ATAT1: variants seen among roughly 807,000 people sequenced by gnomAD.
ATAT1 encodes alpha-tubulin N-acetyltransferase 1.
Under a neutral mutation model 57.2 loss-of-function variants are expected in ATAT1, and 42 were observed. The observed-to-expected ratio is 0.73, with a 90% confidence interval of 0.57 to 0.95. The LOEUF is 0.95. ATAT1 is among the 40% of genes least tolerant of loss of function. The pLI is 0.00. For synonymous variants in ATAT1, 168 were observed against 187.1 expected, an observed-to-expected ratio of 0.90 and a Z score of 0.83; for missense variants, 454 against 523.7, an observed-to-expected ratio of 0.87 and a Z score of 1.30.
At position 30,643,550 on chromosome 6, in the gene ATAT1, G is replaced by A. The variant is rs972716095; in HGVS notation, c.932+539G>A. 5 of 1,550,438 alleles carry A rather than the reference G, an allele frequency of 3.2e-6. No individual in the cohort carries two copies. The African/African-American group carries it at 6.9e-5, about 21-fold the overall frequency. ...ACAGCTCCCTTCCCCGCTCTGAGGA[G>A]AGTCGATACTAACAGCTACCCTCTC... On this transcript the variant is annotated intron_variant, in intron 10 of 12. Transcript: ENST00000330083.
Position 30,646,544 on chromosome 6 carries a change from C to A in ATAT1, c.1131C>A (p.Ala377=). The A allele has an allele frequency of 6.3e-7, 1 of 1,586,750 alleles. No individual in the cohort carries two copies. Among genetic ancestry groups the A allele is most frequent in the East Asian group, 2.3e-5 (1 of 43,506 alleles). Residue 377 remains alanine, a synonymous_variant, in exon 13 of 13, where the codon GCC becomes GCA. Coordinates refer to ENST00000330083, the MANE Select transcript of ATAT1 (RefSeq NM_001031722.4). ...CCATGCACACAGCTCCTCCACAGGC[C>A]CCGGCCCCGCCAGCCCAGTCCTGGA...
chr6:30,642,075 G>A, intron 8 of ATAT1, 101 bp from the exon 9 acceptor site: 1 of 1,587,938 alleles, frequency 6.3e-7, no homozygotes, highest in South Asian at 1.1e-5. Flanking sequence ...GAACTGTGGT[G>A]TCAGGGAGCA....
intron 6 of ATAT1, among the ~76,000 whole-genome samples, chr6:30,636,424 A>T (rs1215618189): frequency 1.3e-5 from 2 of 151,884 alleles, no homozygotes. Context: ...CTCTACTAAA[A>T]ATACAAAAAA....
intron 10 of ATAT1, among the ~76,000 whole-genome samples, chr6:30,645,297 C>G (rs1466996835): frequency 1.3e-5 from 2 of 151,598 alleles, no homozygotes; most frequent in Non-Finnish European, 2.9e-5. Flanking sequence ...CTCACTGCAA[C>G]CTCCGCCTCC....
chr6:30,637,212 T>G (rs1299054234), intron 6 of ATAT1, among the ~76,000 whole-genome samples: 1 of 152,218 alleles, frequency 6.6e-6, no homozygotes, highest in African/African-American at 2.4e-5. Flanking sequence ...GGTATCTATA[T>G]GCATCATCTC....
At chr6:30,644,698 G>A in intron 10 of ATAT1, 1 of 911,292 alleles carries the variant, frequency 1.1e-6, no homozygotes, top group South Asian at 5.1e-5. Context: ...CCTCATTTGT[G>A]CGTCATCCCT....
At chr6:30,629,579 C>G (rs970578410) in intron 6 of ATAT1, among the ~76,000 whole-genome samples, 4 of 151,648 alleles carry the variant, frequency 2.6e-5, no homozygotes, top group African/African-American at 7.3e-5. Context: ...CAGAGTCGCT[C>G]TGTCACCCAG....
intron 6 of ATAT1, among the ~76,000 whole-genome samples, chr6:30,631,179 G>A (rs748962318): frequency 3.3e-5 from 5 of 151,674 alleles, no homozygotes; most frequent in Non-Finnish European, 5.9e-5. Flanking sequence ...AGCAATAACT[G>A]AAAGGAAGTA....
chr6:30,627,226 G>T lies in ATAT1; in HGVS notation c.23G>T (p.Cys8Phe), dbSNP rs765648150. 1.9e-6 allele frequency: 3 copies of T among 1,613,814 alleles called. No individual in the cohort carries two copies. The highest frequency in any genetic ancestry group is 2.7e-5 in the African/African-American group (2 of 74,900). Residue 8 changes from cysteine to phenylalanine, a missense_variant, in exon 1 of 13, where the codon TGC (cysteine) becomes TTC (phenylalanine). Cys to Phe is a radical substitution (Grantham distance 205, BLOSUM62 -2). This residue lies in a region of ATAT1 where 236 missense variants were observed against 284.5 expected (regional missense o/e 0.83). Coordinates refer to ENST00000330083, the MANE Select transcript of ATAT1 (RefSeq NM_001031722.4). ...AGGATGTGGTTGACCTGGCCTTTCT[G>T]CTTCCTCACAATAACCTTAAGGGAG... is the stretch of plus-strand genomic sequence containing the variant.
chr6:30,640,649 A>G, intron 8 of ATAT1, 46 bp downstream of exon 8: 2 of 1,597,888 alleles, frequency 1.3e-6, no homozygotes, highest in African/African-American at 1.3e-5. Flanking sequence ...AGTGATGGCT[A>G]CTTACTCTAG....
chr6:30,643,649 T>C, intron 10 of ATAT1: 6 of 1,546,420 alleles, frequency 3.9e-6, no homozygotes, highest in Non-Finnish European at 4.4e-6. Flanking sequence ...CATTGCATCC[T>C]GTAGGACCCA....
Position 30,635,406 on chromosome 6 carries a change from A to G in ATAT1, c.502-4971A>G, listed in dbSNP as rs143128695. On this transcript the variant is annotated intron_variant, in intron 6 of 12. Transcript: ENST00000330083. ...CTGAGGTCAGGAGTTCAAGACCAAC[A>G]TGGTGAAACCCCATCTCTACAAAAA... 3.8e-3 allele frequency among the ~76,000 whole-genome samples: 581 copies of G among 152,094 alleles called. 38 individuals are homozygous for G. The East Asian group carries it at 0.11, about 29-fold the overall frequency.
chr6:30,632,024 T>A (rs1022855717), intron 6 of ATAT1, among the ~76,000 whole-genome samples: 8 of 151,200 alleles, frequency 5.3e-5, no homozygotes, highest in African/African-American at 1.9e-4. Context: ...AAAAATAAGA[T>A]CAGGCCAGGG....
At position 30,627,922 on chromosome 6, in the gene ATAT1, T is replaced by C; in HGVS notation, c.285+11T>C. 2.5e-6 allele frequency: 4 copies of C among 1,612,872 alleles called. No homozygotes were observed. Among genetic ancestry groups the C allele is most frequent in the Non-Finnish European group, 3.4e-6 (4 of 1,179,846 alleles). On this transcript the variant is annotated intron_variant, in intron 4 of 12. Transcript: ENST00000330083. ...AAGCTCTTTGTACTGGTGAGTGTTATTGGATGCTAGGAGTTCGTATACCTT... is the reference window on the plus strand; with the variant it reads ...AAGCTCTTTGTACTGGTGAGTGTTACTGGATGCTAGGAGTTCGTATACCTT...
At chr6:30,635,178 G>A (rs1763798486) in intron 6 of ATAT1, among the ~76,000 whole-genome samples, 2 of 152,168 alleles carry the variant, frequency 1.3e-5, no homozygotes, top group Non-Finnish European at 1.5e-5. Context: ...TTTGATGTAT[G>A]TGTGAAACAA....
At chr6:30,644,500 T>C (rs1766244271) in intron 10 of ATAT1, 1 of 985,866 alleles carries the variant, frequency 1.0e-6, no homozygotes, top group Non-Finnish European at 1.2e-6. Flanking sequence ...CCCTACCCTC[T>C]GAATGTGTGC....
At chr6:30,627,970 G>A in intron 4 of ATAT1, 59 bp downstream of exon 4, 3 of 1,608,024 alleles carry the variant, frequency 1.9e-6, no homozygotes, top group Non-Finnish European at 2.6e-6. Context: ...CAAAAGTGCT[G>A]GAGGTTAGGG....
At chr6:30,641,992 T>G in intron 8 of ATAT1, 184 bp from the exon 9 acceptor site, 1 of 1,462,460 alleles carries the variant, frequency 6.8e-7, no homozygotes, top group African/African-American at 1.4e-5. Flanking sequence ...CTCAACAGTG[T>G]TCCACATTCC....
intron 8 of ATAT1, chr6:30,641,795 C>T: frequency 9.6e-7 from 1 of 1,044,524 alleles, no homozygotes; most frequent in Non-Finnish European, 1.2e-6. Context: ...CAGAGGAACC[C>T]AGGGTCCTCG....
Sources: allele counts gnomAD v4.1 joint callset (sites outside exome capture counted in the v4.1 genomes callset), GRCh38; gene constraint gnomAD v4.1.1; regional missense constraint gnomAD v4.1.1; transcripts MANE v1.5; gene names NCBI Gene and HGNC (gene_info 2026-07-23, HGNC 2026-07-21).